The following PAH variants were observed in gnomAD, a reference collection of about 807,000 sequenced individuals.
The protein encoded by PAH is phenylalanine-4-hydroxylase.
Under a neutral mutation model 62.0 loss-of-function variants are expected in PAH, and 64 were observed. The ratio of observed to expected loss-of-function variants is 1.03; its 90% CI spans 0.84 to 1.27. The LOEUF (loss-of-function observed/expected upper bound fraction) is 1.27, where lower values mean the gene tolerates loss of function less well. Ranked by LOEUF, PAH falls within the 50% of genes most tolerant of loss-of-function variation. PAH has a pLI of 0.00. For missense variants in PAH, 579 were observed against 542.8 expected, an observed-to-expected ratio of 1.07 and a Z score of -0.66; for synonymous variants, 195 against 196.2, an observed-to-expected ratio of 0.99 and a Z score of 0.05.
At chr12:102,852,729 A>G in intron 7 of PAH, 86 bp downstream of exon 7, 1 of 1,541,870 alleles carries the variant, frequency 6.5e-7, no homozygotes, top group South Asian at 1.1e-5. Context: ...TGGACCAGCC[A>G]GCAATGAACC....
At chr12:102,885,626 T>A (rs1877007296) in intron 3 of PAH, among the ~76,000 whole-genome samples, 1 of 152,178 alleles carries the variant, frequency 6.6e-6, no homozygotes, top group Non-Finnish European at 1.5e-5. Context: ...CGGGGTCAAC[T>A]GCTCAGCCGG....
intron 3 of PAH, among the ~76,000 whole-genome samples, chr12:102,884,880 C>T (rs1343714825): frequency 6.6e-6 from 1 of 152,190 alleles, no homozygotes; most frequent in Non-Finnish European, 1.5e-5. Context: ...TCATCATCTC[C>T]TTTAATTCGC....
Position 102,900,519 on chromosome 12 carries a change from C to T in PAH, c.169-5601G>A, listed in dbSNP as rs573755482. On this transcript the variant is annotated intron_variant, in intron 2 of 12. Coordinates refer to ENST00000553106, the MANE Select transcript of PAH (RefSeq NM_000277.3). ...GTGGGGTGTGGGAGTTATGTAACTG[C>T]TACTTACTTGGCAAAAGTCTTATAT... Among the ~76,000 whole-genome samples the T allele has an allele frequency of 1.6e-3, 250 of 152,170 alleles. 1 individual carries two copies. Among genetic ancestry groups the T allele is most frequent in the African/African-American group, 5.6e-3 (234 of 41,502 alleles).
chr12:102,894,429 T>TG (rs35350743), intron 3 of PAH, among the ~76,000 whole-genome samples: 34 of 138,990 alleles, frequency 2.4e-4, no homozygotes, highest in African/African-American at 8.4e-4. Flanking sequence ...GCTTATAAAG[T>TG]AAAAAAAAAA....
At chr12:102,846,186 G>A (rs1874834160) in intron 9 of PAH, among the ~76,000 whole-genome samples, 1 of 152,230 alleles carries the variant, frequency 6.6e-6, no homozygotes, top group Admixed American at 6.5e-5. Flanking sequence ...AGCTGTCAGT[G>A]AGAAGATAAC....
At chr12:102,866,288 G>A (rs1285739952) in intron 5 of PAH, among the ~76,000 whole-genome samples, 5 of 152,070 alleles carry the variant, frequency 3.3e-5, no homozygotes, top group East Asian at 1.9e-4. Flanking sequence ...ATTCAGGACC[G>A]AGGCCTTTTC....
chr12:102,875,351 G>A (rs1460003759), intron 4 of PAH, among the ~76,000 whole-genome samples: 1 of 152,236 alleles, frequency 6.6e-6, no homozygotes. Context: ...GTCTTCCACT[G>A]TCCCAAATGA....
intron 3 of PAH, among the ~76,000 whole-genome samples, chr12:102,886,698 T>C (rs1462972348): frequency 1.3e-5 from 2 of 152,128 alleles, no homozygotes; most frequent in African/African-American, 2.4e-5. Flanking sequence ...ACCCCACGCC[T>C]GGGCTCAGTG....
chr12:102,903,670 G>A (rs1242444144), intron 2 of PAH, among the ~76,000 whole-genome samples: 1 of 152,178 alleles, frequency 6.6e-6, no homozygotes, highest in Admixed American at 6.6e-5. Context: ...CTGTAAAAAT[G>A]GAAGGTAAAT....
chr12:102,853,146 G>A (rs1359662358), intron 6 of PAH, 196 bp from the exon 7 acceptor site: 1 of 629,256 alleles, frequency 1.6e-6, no homozygotes, highest in East Asian at 2.8e-5. Context: ...CCATTTCTGA[G>A]CCTCAGTTTC....
chr12:102,889,641 T>C (rs2136695254), intron 3 of PAH, among the ~76,000 whole-genome samples: 1 of 152,232 alleles, frequency 6.6e-6, no homozygotes, highest in South Asian at 2.1e-4. Context: ...TCACTTTTCT[T>C]CCCCACCAGG....
intron 2 of PAH, among the ~76,000 whole-genome samples, chr12:102,897,492 T>TATATATATACATATATAA (rs1379613102): frequency 1.4e-3 from 188 of 137,314 alleles, no homozygotes; most frequent in African/African-American, 5.6e-3. Flanking sequence ...TATATATATA[T>TATATATATACATATATAA]AATTCAAACT....
intron 4 of PAH, among the ~76,000 whole-genome samples, chr12:102,868,037 C>T (rs1592962712): frequency 1.6e-5 from 2 of 121,734 alleles, no homozygotes; most frequent in Non-Finnish European, 3.4e-5. Context: ...CATGTATATA[C>T]ACCTATATAT....
chr12:102,879,609 G>GT (rs1164548229), intron 3 of PAH, among the ~76,000 whole-genome samples: 2 of 151,426 alleles, frequency 1.3e-5, no homozygotes, highest in Non-Finnish European at 2.9e-5. Flanking sequence ...TACCTGTGGG[G>GT]GGGGGGTACT....
At chr12:102,951,739 A>C (rs983309450), upstream of PAH, among the ~76,000 whole-genome samples, 22 of 152,000 alleles carry the variant, frequency 1.4e-4, no homozygotes, top group African/African-American at 5.3e-4. Context: ...GTTTCAAAAT[A>C]AGTTAACCTC....
chr12:102,872,322 T>C (rs1876381087), intron 4 of PAH, among the ~76,000 whole-genome samples: 1 of 152,208 alleles, frequency 6.6e-6, no homozygotes, highest in Non-Finnish European at 1.5e-5. Context: ...GTCTCTTGTA[T>C]CTTTTCTGCA....
chr12:102,947,768 A>G (rs1362615856), intron 1 of PAH, among the ~76,000 whole-genome samples: 1 of 152,222 alleles, frequency 6.6e-6, no homozygotes, highest in Non-Finnish European at 1.5e-5. Flanking sequence ...AAAAAGAACC[A>G]GTAAGAAATT....
chr12:102,861,215 C>G (rs1397473267), intron 5 of PAH, among the ~76,000 whole-genome samples: 2 of 152,258 alleles, frequency 1.3e-5, no homozygotes, highest in East Asian at 3.9e-4. Flanking sequence ...ATGCAGCCAA[C>G]AGACACATGA....
At chr12:102,941,642 C>T (rs1292456792) in intron 1 of PAH, among the ~76,000 whole-genome samples, 2 of 152,108 alleles carry the variant, frequency 1.3e-5, no homozygotes, top group African/African-American at 4.8e-5. Context: ...CACACTGGAA[C>T]ACCCAGATTC....
Sources: gnomAD v4.1 joint callset for allele counts (sites outside exome capture counted in the v4.1 genomes callset) on GRCh38, gnomAD v4.1.1 for gene constraint, MANE v1.5 for transcripts, NCBI Gene and HGNC (gene_info 2026-07-23, HGNC 2026-07-21) for gene names.